The following CUEDC1 variants were observed in gnomAD, a reference collection of about 807,000 sequenced individuals.
CUEDC1 encodes CUE domain containing 1, also known as CUE domain-containing protein 1.
CUEDC1 carries 30 observed loss-of-function variants against 43.7 expected under a neutral mutation model. That is an observed-to-expected ratio of 0.69 (90% CI 0.51 to 0.93). CUEDC1 has a LOEUF of 0.93. CUEDC1 is among the 40% of genes least tolerant of loss of function. CUEDC1 has a pLI of 0.00. For synonymous variants in CUEDC1, 223 were observed against 223.6 expected, an observed-to-expected ratio of 1.00 and a Z score of 0.02; for missense variants, 486 against 549.0, an observed-to-expected ratio of 0.89 and a Z score of 1.15.
intron 8 of CUEDC1, chr17:57,867,708 G>A: frequency 1.9e-6 from 1 of 526,664 alleles, no homozygotes; most frequent in South Asian, 2.6e-5. Context: ...TGAGAAGCAT[G>A]AATAGGAGTT....
rs188052880 is a variant in CUEDC1, at chr17:57,861,644, T to G, written c.*1645A>C. ...ATTACAGGAATTCCTATGAAACAGC[T>G]CCAAGAAAAAACCCACACATAGGAG... is the stretch of plus-strand genomic sequence containing the variant. On this transcript the variant is annotated 3_prime_UTR_variant, in exon 11 of 11. Coordinates refer to ENST00000577830, the MANE Select transcript of CUEDC1 (RefSeq NM_001271875.2). 2,355 of 152,030 alleles carry G rather than the reference T, an allele frequency of 0.015. 27 individuals carry two copies. The highest frequency in any genetic ancestry group is 0.026 in the Non-Finnish European group (1,778 of 68,066). The allele number at this position is 152,030 out of a possible 1,614,324, so 9.4% of individuals were successfully genotyped here. A position where few individuals can be genotyped will look rare whatever the true frequency, so the allele number is the denominator to read the frequency against.
intron 3 of CUEDC1, among the ~76,000 whole-genome samples, chr17:57,874,838 C>A (rs2074091116): frequency 6.6e-6 from 1 of 151,272 alleles, no homozygotes; most frequent in South Asian, 2.1e-4. Context: ...CTTTCCTTTT[C>A]TATTTCGGGC....
chr17:57,928,805 G>A (rs536764837), intron 1 of CUEDC1, among the ~76,000 whole-genome samples: 297 of 120,122 alleles, frequency 2.5e-3, no homozygotes, highest in African/African-American at 8.3e-3. Context: ...ATATAAACTC[G>A]GGGTGGGGGG....
intron 1 of CUEDC1, among the ~76,000 whole-genome samples, chr17:57,925,739 G>A (rs1438702131): frequency 1.3e-5 from 2 of 152,206 alleles, no homozygotes; most frequent in Non-Finnish European, 2.9e-5. Context: ...GAGAATGGCA[G>A]GTCCCTAAGC....
At chr17:57,950,652 T>C (rs1171105515) in intron 1 of CUEDC1, among the ~76,000 whole-genome samples, 1 of 152,096 alleles carries the variant, frequency 6.6e-6, no homozygotes, top group African/African-American at 2.4e-5. Context: ...TTTGTATTTT[T>C]AGTAGAGACA....
chr17:57,938,220 C>T (rs1261289855), intron 1 of CUEDC1, among the ~76,000 whole-genome samples: 1 of 152,222 alleles, frequency 6.6e-6, no homozygotes, highest in Non-Finnish European at 1.5e-5. Context: ...AACATCCTTT[C>T]TCCATTACAC....
rs2075044351 is a variant in CUEDC1 at position 57,955,109 on chromosome 17, C to G, written c.-316+116G>C. 6.7e-6 allele frequency: 1 copy of G among 149,704 alleles called. No homozygotes were observed. Among genetic ancestry groups the G allele is most frequent in the South Asian group, 2.1e-4 (1 of 4,822 alleles). 9.3% of individuals were successfully genotyped at this position (149,704 alleles called of 1,614,324 possible). A position where few individuals can be genotyped will look rare whatever the true frequency, so the allele number is the denominator to read the frequency against. On this transcript the variant is annotated intron_variant, in intron 1 of 10. Transcript: ENST00000577830. The surrounding 1 kb of genome is among the most constrained non-coding windows in gnomAD (Gnocchi z 5.3). ...GGCCCTCCCGGCGGCGCCTGGGCAACGGGTCCCGAGAAGGTGGGGCCGCTG... is the reference window on the plus strand; with the variant it reads ...GGCCCTCCCGGCGGCGCCTGGGCAAGGGGTCCCGAGAAGGTGGGGCCGCTG...
intron 1 of CUEDC1, among the ~76,000 whole-genome samples, chr17:57,942,623 A>G (rs768959075): frequency 1.3e-5 from 2 of 151,956 alleles, no homozygotes; most frequent in Non-Finnish European, 2.9e-5. Flanking sequence ...TCCTGACCTC[A>G]GGTGATCCAC....
intron 1 of CUEDC1, among the ~76,000 whole-genome samples, chr17:57,949,495 A>C (rs1008966708): frequency 3.5e-5 from 5 of 144,756 alleles, no homozygotes; most frequent in Non-Finnish European, 7.6e-5. Context: ...CACAAATCCC[A>C]CAACCCCCCC....
intron 9 of CUEDC1, 52 bp downstream of exon 9, chr17:57,867,305 G>A (rs1470330947): frequency 1.3e-6 from 2 of 1,514,754 alleles, no homozygotes; most frequent in Non-Finnish European, 1.8e-6. Flanking sequence ...ACTCCGCTGG[G>A]AGATCACCGA....
At chr17:57,932,580 G>A (rs1483582304) in intron 1 of CUEDC1, among the ~76,000 whole-genome samples, 2 of 61,182 alleles carry the variant, frequency 3.3e-5, no homozygotes, top group Admixed American at 5.9e-4. Flanking sequence ...GCAAGACTCT[G>A]TCTCAAAAAA....
chr17:57,931,059 C>T (rs2074798935), intron 1 of CUEDC1, among the ~76,000 whole-genome samples: 1 of 152,106 alleles, frequency 6.6e-6, no homozygotes, highest in African/African-American at 2.4e-5. Context: ...GAAGCTGAGA[C>T]AGGCAGATTA....
At chr17:57,952,903 A>G (rs150826593) in intron 1 of CUEDC1, among the ~76,000 whole-genome samples, 2 of 151,464 alleles carry the variant, frequency 1.3e-5, no homozygotes, top group African/African-American at 4.9e-5. Context: ...TGTAGATGCC[A>G]CAAACACCTA....
intron 1 of CUEDC1, among the ~76,000 whole-genome samples, chr17:57,895,128 C>T (rs1187930061): frequency 6.6e-6 from 1 of 152,224 alleles, no homozygotes; most frequent in Non-Finnish European, 1.5e-5. Flanking sequence ...TTCATCCTCC[C>T]TACAGCTCTA....
chr17:57,949,720 A>G (rs1174992934), intron 1 of CUEDC1, among the ~76,000 whole-genome samples: 1 of 151,716 alleles, frequency 6.6e-6, no homozygotes, highest in African/African-American at 2.4e-5. Context: ...CTACAGATAC[A>G]TGCCACCACG....
At chr17:57,933,532 A>G (rs1458192560) in intron 1 of CUEDC1, among the ~76,000 whole-genome samples, 1 of 152,188 alleles carries the variant, frequency 6.6e-6, no homozygotes, top group African/African-American at 2.4e-5. Flanking sequence ...GAGAATTTGC[A>G]AAGGGAGGAA....
intron 3 of CUEDC1, 100 bp from the exon 4 acceptor site, chr17:57,873,817 CAG>C: frequency 7.2e-6 from 9 of 1,253,912 alleles, no homozygotes; most frequent in Non-Finnish European, 9.6e-6. Context: ...GGATCCTGCT[CAG>C]AGATTCCCAT....
intron 1 of CUEDC1, among the ~76,000 whole-genome samples, chr17:57,931,553 TG>T (rs964337915): frequency 2.0e-5 from 3 of 151,938 alleles, no homozygotes. Flanking sequence ...GTTCCTGCAG[TG>T]GGGGGAAAGA....
chr17:57,885,838 A>T lies in CUEDC1; in HGVS notation c.-274T>A. The T allele has an allele frequency of 3.2e-6, 1 of 317,004 alleles. No individual in the cohort carries two copies. The highest frequency in any genetic ancestry group is 1.3e-4 in the South Asian group (1 of 7,664). 19.6% of individuals were successfully genotyped at this position (317,004 alleles called of 1,614,324 possible). ...TGGGGCTGGGCGGCCGGTCATCCAC[A>T]CCCCCGGTGCATCCTGGCACCGGTT... On this transcript the variant is annotated 5_prime_UTR_variant, in exon 2 of 11. Transcript: ENST00000577830.
Sources: allele counts gnomAD v4.1 joint callset (sites outside exome capture counted in the v4.1 genomes callset), GRCh38; gene constraint gnomAD v4.1.1; non-coding constraint Gnocchi (gnomAD v3.1); transcripts MANE v1.5; gene names NCBI Gene and HGNC (gene_info 2026-07-23, HGNC 2026-07-21).